Variants in ANKRD27 observed in about 807,000 individuals in gnomAD.
ANKRD27 encodes the protein ankyrin repeat domain-containing protein 27.
ANKRD27 carries 112 observed loss-of-function variants against 129.7 expected under a neutral mutation model. That is an observed-to-expected ratio of 0.86 (90% confidence interval 0.74 to 1.01). The LOEUF is 1.01. ANKRD27 is among the 50% of genes least tolerant of loss of function. The pLI, the probability that ANKRD27 is intolerant of heterozygous loss-of-function variation, is 0.00. For missense variants in ANKRD27, 1,258 were observed against 1,300.5 expected (o/e 0.97, Z 0.50); for synonymous variants, 516 against 511.2 (o/e 1.01, Z -0.13).
chr19:32,610,669 G>A (rs1166735052), intron 22 of ANKRD27, among the ~76,000 whole-genome samples: 1 of 152,046 alleles, frequency 6.6e-6, no homozygotes, highest in Non-Finnish European at 1.5e-5. Context: ...GCATGCACCT[G>A]TAGTCCCAGC....
At chr19:32,605,641 A>G (rs7260617) in intron 24 of ANKRD27, among the ~76,000 whole-genome samples, 194 bp downstream of exon 24, 29,271 of 152,178 alleles carry the variant, frequency 0.19, 3,553 homozygotes, top group African/African-American at 0.33. Flanking sequence ...ACCGCATCCC[A>G]GATGCTGGGG....
chr19:32,613,428 A>C (rs1344418219), intron 22 of ANKRD27, among the ~76,000 whole-genome samples: 1 of 151,916 alleles, frequency 6.6e-6, no homozygotes, highest in Non-Finnish European at 1.5e-5. Context: ...CCACAATTGC[A>C]CTCTTGGGCA....
At chr19:32,667,604 C>T (rs1162915201) in intron 1 of ANKRD27, among the ~76,000 whole-genome samples, 1 of 151,994 alleles carries the variant, frequency 6.6e-6, no homozygotes, top group African/African-American at 2.4e-5. Flanking sequence ...CTCATAATCC[C>T]AGCACTTTCG....
At chr19:32,641,930 G>C in intron 10 of ANKRD27, 94 bp downstream of exon 10, 1 of 1,432,858 alleles carries the variant, frequency 7.0e-7, no homozygotes, top group Non-Finnish European at 9.3e-7. Flanking sequence ...ACTGCACCCA[G>C]CCCCATAAAA....
At chr19:32,660,886 C>A (rs917636179) in intron 1 of ANKRD27, among the ~76,000 whole-genome samples, 1 of 148,952 alleles carries the variant, frequency 6.7e-6, no homozygotes, top group Admixed American at 6.6e-5. Flanking sequence ...ATTTATAGTT[C>A]TTTACACATC....
chr19:32,618,420 T>G (rs1405601926), intron 20 of ANKRD27, among the ~76,000 whole-genome samples: 2 of 131,442 alleles, frequency 1.5e-5, no homozygotes, highest in Non-Finnish European at 1.6e-5. Flanking sequence ...CACTCCAGCC[T>G]GGGTGACACA....
intron 22 of ANKRD27, among the ~76,000 whole-genome samples, chr19:32,613,688 G>C (rs1458294430): frequency 6.6e-6 from 1 of 150,914 alleles, no homozygotes; most frequent in Non-Finnish European, 1.5e-5. Flanking sequence ...ATTGTATACT[G>C]TGATTACATT....
chr19:32,629,083 G>A (rs1048949707), intron 13 of ANKRD27, among the ~76,000 whole-genome samples: 4 of 152,122 alleles, frequency 2.6e-5, no homozygotes, highest in African/African-American at 9.7e-5. Flanking sequence ...ACCACACCTG[G>A]CTAATTTTTA....
intron 12 of ANKRD27, among the ~76,000 whole-genome samples, chr19:32,637,127 G>T (rs574280766): frequency 6.6e-6 from 1 of 152,158 alleles, no homozygotes; most frequent in Non-Finnish European, 1.5e-5. Flanking sequence ...TGTCAATAAC[G>T]AATGAATGGG....
chr19:32,649,287 T>C (rs191936711), intron 3 of ANKRD27, among the ~76,000 whole-genome samples: 1 of 152,202 alleles, frequency 6.6e-6, no homozygotes, highest in East Asian at 1.9e-4. Context: ...CAAAAAGCTT[T>C]TAAAAACTAA....
chr19:32,632,511 G>A (rs1392384714), intron 12 of ANKRD27, among the ~76,000 whole-genome samples: 8 of 145,686 alleles, frequency 5.5e-5, no homozygotes, highest in Admixed American at 1.4e-4. Flanking sequence ...CTTGAACCCC[G>A]CAAGTGGAGG....
rs565179227 is a variant in ANKRD27 at position 32,618,836 on chromosome 19, G to A, written c.2007+424C>T. 5.3e-5 allele frequency among the ~76,000 whole-genome samples: 8 copies of A among 151,888 alleles called. No individual in the cohort carries two copies. In the East Asian group the frequency reaches 1.6e-3, roughly 30 times the overall value. ...TGAGGCAGGAGAATTGCTTGAACCT[G>A]GGAGGTGGAGGTTGCAGTGAGCCCG... On this transcript the variant is annotated intron_variant, in intron 20 of 28. Transcript: ENST00000306065.
At chr19:32,620,890 A>C (rs1367814245) in intron 18 of ANKRD27, among the ~76,000 whole-genome samples, 9 of 140,972 alleles carry the variant, frequency 6.4e-5, no homozygotes, top group African/African-American at 2.6e-4. Flanking sequence ...TGTCTCAAAA[A>C]AAAAAAAAAA....
chr19:32,638,381 C>T (rs1172487515), intron 12 of ANKRD27: 1 of 152,290 alleles, frequency 6.6e-6, no homozygotes, highest in African/African-American at 2.4e-5. Flanking sequence ...CTCCTGAGAG[C>T]TATTCTGCCG....
intron 1 of ANKRD27, among the ~76,000 whole-genome samples, chr19:32,669,791 G>A (rs1015706192): frequency 1.3e-5 from 2 of 152,186 alleles, no homozygotes; most frequent in East Asian, 3.9e-4. Flanking sequence ...GAAGTCAGGA[G>A]TTCAAGACCA....
intron 1 of ANKRD27, among the ~76,000 whole-genome samples, chr19:32,666,761 C>T (rs1482331006): frequency 6.6e-6 from 1 of 151,726 alleles, no homozygotes; most frequent in Non-Finnish European, 1.5e-5. Context: ...CTCCTGCTGC[C>T]TCAGCCTCCC....
intron 27 of ANKRD27, 78 bp from the exon 28 acceptor site, chr19:32,599,854 T>C (rs1334588546): frequency 1.6e-5 from 25 of 1,540,540 alleles, no homozygotes; most frequent in Non-Finnish European, 2.1e-5. Flanking sequence ...GGTGGCAGCA[T>C]TTTTGACATT....
intron 1 of ANKRD27, among the ~76,000 whole-genome samples, chr19:32,667,816 G>C (rs1030728688): frequency 3.1e-5 from 4 of 129,676 alleles, no homozygotes; most frequent in Non-Finnish European, 4.8e-5. Flanking sequence ...TGGGCGACAA[G>C]AGTGAAACTC....
At chr19:32,665,274 G>A (rs150964365) in intron 1 of ANKRD27, among the ~76,000 whole-genome samples, 1,837 of 146,796 alleles carry the variant, frequency 0.013, 51 homozygotes, top group African/African-American at 0.043. Context: ...TATTGGACCC[G>A]CACTAAATTC....
Sources: gnomAD v4.1 joint callset for allele counts (sites outside exome capture counted in the v4.1 genomes callset) on GRCh38, gnomAD v4.1.1 for gene constraint, MANE v1.5 for transcripts, NCBI Gene and HGNC (gene_info 2026-07-23, HGNC 2026-07-21) for gene names.